The following FER variants were observed in gnomAD, a reference collection of about 807,000 sequenced individuals.
FER encodes tyrosine-protein kinase Fer.
In FER, 63 loss-of-function variants were observed where a neutral mutation model predicts 111.0. The observed-to-expected ratio is 0.57, with a 90% CI of 0.46 to 0.70. The LOEUF (loss-of-function observed/expected upper bound fraction) is 0.70. Among genes scored for constraint, FER ranks in the 30% least tolerant of loss-of-function variants. The pLI is 0.00. For synonymous variants in FER, 327 were observed against 313.9 expected (o/e 1.04, Z -0.44); for missense variants, 914 against 954.0 (o/e 0.96, Z 0.55).
intron 13 of FER, among the ~76,000 whole-genome samples, chr5:109,006,309 A>C (rs927153604): frequency 1.6e-4 from 25 of 152,160 alleles, no homozygotes; most frequent in Admixed American, 3.3e-4. Flanking sequence ...TGGCGGAGGT[A>C]ATGAATCATG....
intron 19 of FER, among the ~76,000 whole-genome samples, chr5:109,186,952 A>G (rs541153595): frequency 6.6e-6 from 1 of 152,334 alleles, no homozygotes; most frequent in African/African-American, 2.4e-5. Flanking sequence ...CACACTACCC[A>G]ATGCACTGCT....
At position 108,941,233 on chromosome 5, in the gene FER, G is replaced by A. The variant is rs79422250; in HGVS notation, c.1237-4897G>A. Among the ~76,000 whole-genome samples the A allele has an allele frequency of 1.2e-4, 19 of 152,258 alleles. No homozygotes were observed. The East Asian group carries it at 3.3e-3, about 26-fold the overall frequency. On this transcript the variant is annotated intron_variant, in intron 10 of 19. Transcript: ENST00000281092. ...GCAATTGATTTAAACTAAAACTGTA[G>A]CAAAGGCTAGAACCAACTTATTAAC...
At chr5:108,993,604 CGAGGGA>C (rs1165220669) in intron 13 of FER, among the ~76,000 whole-genome samples, 15 of 108,102 alleles carry the variant, frequency 1.4e-4, no homozygotes, top group African/African-American at 4.5e-4. Context: ...AGGGCGAGGG[CGAGGGA>C]GAGGGCAAGG....
At chr5:109,168,570 C>T (rs964644941) in intron 17 of FER, among the ~76,000 whole-genome samples, 6 of 152,216 alleles carry the variant, frequency 3.9e-5, no homozygotes, top group African/African-American at 1.4e-4. Context: ...GTGGTGCACC[C>T]AGAGAGGGCA....
chr5:108,881,815 T>A (rs878984737), intron 8 of FER, among the ~76,000 whole-genome samples: 24 of 152,172 alleles, frequency 1.6e-4, no homozygotes, highest in Admixed American at 1.4e-3. Context: ...CCCACCTTCA[T>A]GACTTCATCT....
At chr5:108,923,978 A>G (rs965483159) in intron 10 of FER, among the ~76,000 whole-genome samples, 4 of 152,326 alleles carry the variant, frequency 2.6e-5, no homozygotes, top group African/African-American at 9.6e-5. Context: ...GTATATTCTC[A>G]GAGACCTTGA....
At chr5:108,894,969 A>C (rs1561577572) in intron 9 of FER, among the ~76,000 whole-genome samples, 1 of 152,208 alleles carries the variant, frequency 6.6e-6, no homozygotes, top group Non-Finnish European at 1.5e-5. Flanking sequence ...CAGCCAAATC[A>C]TATCGGGCTA....
At chr5:109,113,602 G>A (rs1477321082) in intron 17 of FER, among the ~76,000 whole-genome samples, 2 of 152,112 alleles carry the variant, frequency 1.3e-5, no homozygotes, top group African/African-American at 2.4e-5. Flanking sequence ...GTTGCTTTAT[G>A]TGTCCATGCA....
chr5:109,184,299 C>T (rs1255911855), intron 18 of FER, among the ~76,000 whole-genome samples: 3 of 152,256 alleles, frequency 2.0e-5, no homozygotes, highest in Non-Finnish European at 4.4e-5. Flanking sequence ...ATGCCATTAG[C>T]TGCGTGACCC....
Position 109,152,869 on chromosome 5 carries a change from C to T in FER, c.2049-27878C>T, listed in dbSNP as rs142619749. On this transcript the variant is annotated intron_variant, in intron 17 of 19. Coordinates refer to ENST00000281092, the MANE Select transcript of FER (RefSeq NM_005246.4). ...ATAAAACTTTCATTGTAAAAGAAGC[C>T]GTTAAGAACAAGCCATTTTGGAGAT... 1.9e-3 allele frequency among the ~76,000 whole-genome samples: 291 copies of T among 151,722 alleles called. 1 individual carries two copies. The highest frequency in any genetic ancestry group is 6.6e-3 in the African/African-American group (274 of 41,414).
rs1248170730 is a variant in FER at position 109,187,870 on chromosome 5, T to TATCC, written c.*296_*299dup. On this transcript the variant is annotated 3_prime_UTR_variant, in exon 20 of 20. Coordinates refer to ENST00000281092, the MANE Select transcript of FER (RefSeq NM_005246.4). ...CTAAGTGTGTGAAGGATAAAAGATC[T>TATCC]ATCCTATCCTTTTCACACCTTGTTT... The TATCC allele has an allele frequency of 2.8e-6, 1 of 361,014 alleles. No individual in the cohort carries two copies. The highest frequency in any genetic ancestry group is 5.1e-6 in the Non-Finnish European group (1 of 197,116). 22.4% of individuals were successfully genotyped at this position (361,014 alleles called of 1,614,324 possible).
chr5:109,072,034 CAGAA>C (rs1287598361), intron 16 of FER, among the ~76,000 whole-genome samples: 1 of 150,978 alleles, frequency 6.6e-6, no homozygotes, highest in Non-Finnish European at 1.5e-5. Context: ...AAATATAAAT[CAGAA>C]AGATATTTTA....
chr5:109,021,818 T>A (rs932869529), intron 13 of FER, among the ~76,000 whole-genome samples: 2 of 152,106 alleles, frequency 1.3e-5, no homozygotes, highest in African/African-American at 4.8e-5. Flanking sequence ...TCCTAAAAGT[T>A]GTTGTTTTTT....
In FER at chr5:109,196,633, A is replaced by C. The variant is rs1333274280; in HGVS notation, c.*9058A>C. 6.6e-6 allele frequency: 1 copy of C among 151,906 alleles called. No homozygotes were observed. The highest frequency in any genetic ancestry group is 1.5e-5 in the Non-Finnish European group (1 of 67,954). The allele number at this position is 151,906 out of a possible 1,614,324, so 9.4% of individuals were successfully genotyped here. On this transcript the variant is annotated 3_prime_UTR_variant, in exon 20 of 20. Transcript: ENST00000281092. ...AACACTTATTTATTTGTTAGTTTTT[A>C]CATTCAAAAGAAATACACTTTGAAC...
rs1328976207 is a variant in FER at position 108,875,610 on chromosome 5, ATT to A, written c.923+3400_923+3401del. On this transcript the variant is annotated intron_variant, in intron 8 of 19. Transcript: ENST00000281092. Reference sequence around the variant, plus strand: ...ACAATTTTGAACATTAGAAGAATATATTTAAGTGTCTGTTTCGTGCTTTTTGT... The same window carrying A: ...ACAATTTTGAACATTAGAAGAATATATAAGTGTCTGTTTCGTGCTTTTTGT... 2.0e-5 allele frequency among the ~76,000 whole-genome samples: 3 copies of A among 152,158 alleles called. No individual in the cohort carries two copies. In the East Asian group the frequency reaches 5.8e-4, roughly 29 times the overall value.
intron 16 of FER, among the ~76,000 whole-genome samples, chr5:109,071,064 A>G (rs192834185): frequency 1.3e-5 from 2 of 152,176 alleles, no homozygotes; most frequent in Admixed American, 1.3e-4. Context: ...TCTATCTTCT[A>G]TTAATGAGAA....
In FER at chr5:109,187,749, T is replaced by C; in HGVS notation, c.*174T>C. 1.3e-6 allele frequency: 1 copy of C among 789,496 alleles called. No individual in the cohort carries two copies. The highest frequency in any genetic ancestry group is 1.7e-5 in the African/African-American group (1 of 57,350). 48.9% of individuals were successfully genotyped at this position (789,496 alleles called of 1,614,324 possible). ...CCACTTGTAAAAAGTCAAAGGCAAATTTGTTAAAGAAATAGGCAGTCCTAC... is the reference window on the plus strand; with the variant it reads ...CCACTTGTAAAAAGTCAAAGGCAAACTTGTTAAAGAAATAGGCAGTCCTAC... On this transcript the variant is annotated 3_prime_UTR_variant, in exon 20 of 20. Coordinates refer to ENST00000281092, the MANE Select transcript of FER (RefSeq NM_005246.4).
rs139824615 is a variant in FER, at chr5:108,822,379, G to A, written c.208-10391G>A. ...TATTGGGCATTTTATAAAGAAAGAG[G>A]TTTATTTAGCTTATAGTTCTGTAGG... is the stretch of plus-strand genomic sequence containing the variant. On this transcript the variant is annotated intron_variant, in intron 3 of 19. Coordinates refer to ENST00000281092, the MANE Select transcript of FER (RefSeq NM_005246.4). Among the ~76,000 whole-genome samples, 1,336 of 152,280 alleles carry A rather than the reference G, an allele frequency of 8.8e-3. 18 individuals carry two copies. The highest frequency in any genetic ancestry group is 0.03 in the African/African-American group (1,248 of 41,556).
At chr5:109,081,859 T>C (rs1243430565) in intron 16 of FER, among the ~76,000 whole-genome samples, 1 of 152,034 alleles carries the variant, frequency 6.6e-6, no homozygotes, top group African/African-American at 2.4e-5. Context: ...TTTATTACTT[T>C]TTCCTAAAGT....
Sources: allele counts gnomAD v4.1 joint callset (sites outside exome capture counted in the v4.1 genomes callset), GRCh38; gene constraint gnomAD v4.1.1; transcripts MANE v1.5; gene names NCBI Gene and HGNC (gene_info 2026-07-23, HGNC 2026-07-21).